Variants in SPSB1 observed in about 807,000 individuals in gnomAD.
SPSB1 encodes SPRY domain-containing SOCS box protein 1.
Under a neutral mutation model 21.2 loss-of-function variants are expected in SPSB1, and 8 were observed. The ratio of observed to expected loss-of-function variants is 0.38; its 90% confidence interval spans 0.22 to 0.68. The LOEUF (loss-of-function observed/expected upper bound fraction) is 0.68. SPSB1 is among the 30% of genes least tolerant of loss of function. The probability of loss-of-function intolerance (pLI) is 0.53; values close to 1 mark genes in which losing one functional copy is unlikely to be tolerated. For missense variants in SPSB1, 242 were observed against 377.8 expected (o/e 0.64, Z 2.98); for synonymous variants, 169 against 161.7 (o/e 1.05, Z -0.34).
intron 1 of SPSB1, among the ~76,000 whole-genome samples, chr1:9,318,346 A>G (rs12073748): frequency 0.1 from 15,715 of 152,222 alleles, 2,424 homozygotes; most frequent in African/African-American, 0.34. Flanking sequence ...TTCTTGGCTG[A>G]CAGTGTAGGA....
chr1:9,320,507 C>T (rs1639702084), intron 1 of SPSB1, among the ~76,000 whole-genome samples: 3 of 152,208 alleles, frequency 2.0e-5, no homozygotes, highest in South Asian at 4.1e-4. Flanking sequence ...TTCCATAGCA[C>T]GCTGCTACTG....
At chr1:9,298,750 C>T (rs1454529983) in intron 1 of SPSB1, among the ~76,000 whole-genome samples, 1 of 152,146 alleles carries the variant, frequency 6.6e-6, no homozygotes, top group Admixed American at 6.5e-5. Flanking sequence ...AGGTTTGACT[C>T]CTGGTGGCTC....
chr1:9,319,929 C>T (rs1485913542), intron 1 of SPSB1, among the ~76,000 whole-genome samples: 2 of 152,098 alleles, frequency 1.3e-5, no homozygotes, highest in Non-Finnish European at 2.9e-5. Context: ...CCTGGGAGGA[C>T]CATAGCCGGC....
At chr1:9,366,659 C>T (rs1262948869) in intron 2 of SPSB1, among the ~76,000 whole-genome samples, 1 of 151,736 alleles carries the variant, frequency 6.6e-6, no homozygotes, top group Non-Finnish European at 1.5e-5. Flanking sequence ...CTGCAACCTC[C>T]ATCTCCCAGG....
At chr1:9,316,398 G>A (rs1302202362) in intron 1 of SPSB1, among the ~76,000 whole-genome samples, 1 of 152,196 alleles carries the variant, frequency 6.6e-6, no homozygotes, top group Admixed American at 6.5e-5. Context: ...GTGTATTTAT[G>A]TGTGTGCATA....
At chr1:9,310,695 T>TAA (rs771323541) in intron 1 of SPSB1, among the ~76,000 whole-genome samples, 3 of 143,320 alleles carry the variant, frequency 2.1e-5, no homozygotes, top group African/African-American at 7.7e-5. Flanking sequence ...GACCTTGTCT[T>TAA]AAAAAAAAAA....
At chr1:9,355,184 C>A (rs1251467165) in intron 1 of SPSB1, among the ~76,000 whole-genome samples, 2 of 152,226 alleles carry the variant, frequency 1.3e-5, no homozygotes, top group Non-Finnish European at 2.9e-5. Flanking sequence ...GTTGAGCTGT[C>A]CAGCTGCACC....
At position 9,317,285 on chromosome 1, in the gene SPSB1, GAATA is replaced by G. The variant is rs1022238739; in HGVS notation, c.-150+24218_-150+24221del. On this transcript the variant is annotated intron_variant, in intron 1 of 2. Transcript: ENST00000328089. This position sits in a 1 kb window ranked among gnomAD's most constrained non-coding sequence, Gnocchi z 4.3. ...GAGAGGGAGGAGGAAGGGAAGAAGG[GAATA>G]AATGTCACTGGCGGAAGGTGGCATG... is the stretch of plus-strand genomic sequence containing the variant. 1.8e-4 allele frequency among the ~76,000 whole-genome samples: 28 copies of G among 152,214 alleles called. No homozygotes were observed. Among genetic ancestry groups the G allele is most frequent in the African/African-American group, 6.5e-4 (27 of 41,510 alleles).
chr1:9,349,511 G>A (rs892713615), intron 1 of SPSB1, among the ~76,000 whole-genome samples: 2 of 152,258 alleles, frequency 1.3e-5, no homozygotes, highest in Non-Finnish European at 2.9e-5. Flanking sequence ...CGCCAGCGCC[G>A]TAGATGCGTG....
intron 1 of SPSB1, among the ~76,000 whole-genome samples, chr1:9,325,271 C>T (rs1172853858): frequency 6.7e-6 from 1 of 148,740 alleles, no homozygotes; most frequent in Non-Finnish European, 1.5e-5. Context: ...GGAGAGCTGT[C>T]CCCACTCCTT....
chr1:9,304,893 G>A (rs1241397987), intron 1 of SPSB1, among the ~76,000 whole-genome samples: 1 of 152,022 alleles, frequency 6.6e-6, no homozygotes, highest in Non-Finnish European at 1.5e-5. Flanking sequence ...GGCTGGTCTC[G>A]AACTCCTGGG....
intron 1 of SPSB1, among the ~76,000 whole-genome samples, chr1:9,307,726 C>G (rs1488686955): frequency 6.6e-6 from 1 of 152,242 alleles, no homozygotes; most frequent in Non-Finnish European, 1.5e-5. Context: ...CCTCTTGCAG[C>G]CAGCGATCTT....
rs34392416 is a variant in SPSB1 at position 9,317,837 on chromosome 1, ATTTTT to A, written c.-150+24781_-150+24785del. 7.4e-6 allele frequency among the ~76,000 whole-genome samples: 1 copy of A among 134,726 alleles called. No individual in the cohort carries two copies. Among genetic ancestry groups the A allele is most frequent in the African/African-American group, 2.9e-5 (1 of 35,000 alleles). The allele number at this position is 134,726 out of a possible 152,430, so 88.4% of individuals were successfully genotyped here. A position where few individuals can be genotyped will look rare whatever the true frequency, so the allele number is the denominator to read the frequency against. ...GTGATTTCCGGTGGCGAGGGAACCA[ATTTTT>A]TTTTTTTTTTTTTTGAGACCCTGCA... is the stretch of plus-strand genomic sequence containing the variant. On this transcript the variant is annotated intron_variant, in intron 1 of 2. Coordinates refer to ENST00000328089, the MANE Select transcript of SPSB1 (RefSeq NM_025106.4). The surrounding 1 kb of genome is among the most constrained non-coding windows in gnomAD (Gnocchi z 4.3).
chr1:9,362,190 C>T (rs557236570), intron 2 of SPSB1, among the ~76,000 whole-genome samples: 1 of 152,012 alleles, frequency 6.6e-6, no homozygotes, highest in African/African-American at 2.4e-5. Context: ...CCCTCCCTCC[C>T]TCCCTTCCTT....
intron 1 of SPSB1, among the ~76,000 whole-genome samples, chr1:9,332,605 G>T (rs978295750): frequency 6.6e-6 from 1 of 152,222 alleles, no homozygotes; most frequent in Admixed American, 6.5e-5. Context: ...GGGAGGTCCT[G>T]TGGAGGGAGA....
In SPSB1 at chr1:9,323,277, A is replaced by AG. The variant is rs904483687; in HGVS notation, c.-150+30212dup. On this transcript the variant is annotated intron_variant, in intron 1 of 2. Transcript: ENST00000328089. ...AAACATTCTAGTTCCCGCCGAGCCG[A>AG]GGGGGGCTGTGGCTCCACTGGGCCC... 3.3e-5 allele frequency among the ~76,000 whole-genome samples: 5 copies of AG among 152,226 alleles called. No homozygotes were observed. The South Asian group carries it at 1.0e-3, about 32-fold the overall frequency.
At position 9,305,238 on chromosome 1, in the gene SPSB1, C is replaced by A. The variant is rs959504486; in HGVS notation, c.-150+12167C>A. Among the ~76,000 whole-genome samples, 2 of 152,230 alleles carry A rather than the reference C, an allele frequency of 1.3e-5. No homozygotes were observed. Among genetic ancestry groups the A allele is most frequent in the Non-Finnish European group, 2.9e-5 (2 of 68,034 alleles). On this transcript the variant is annotated intron_variant, in intron 1 of 2. Transcript: ENST00000328089. The surrounding 1 kb of genome is among the most constrained non-coding windows in gnomAD (Gnocchi z 4.8). Reference sequence around the variant, plus strand: ...GCTGGCCCGTTCCTACCGGCTGGCCCATACCCTCTCGCTTCACTTTCCAAA... The same window carrying A: ...GCTGGCCCGTTCCTACCGGCTGGCCAATACCCTCTCGCTTCACTTTCCAAA...
In SPSB1 at chr1:9,293,944, C is replaced by T. The variant is rs117956834; in HGVS notation, c.-150+873C>T. ...TGTGGGTGTGTGTGTGAGTGTGTCT[C>T]TAAGTGCATCTGTGTATTTATGTGC... On this transcript the variant is annotated intron_variant, in intron 1 of 2. Coordinates refer to ENST00000328089, the MANE Select transcript of SPSB1 (RefSeq NM_025106.4). This position sits in a 1 kb window ranked among gnomAD's most constrained non-coding sequence, Gnocchi z 5.1. Among the ~76,000 whole-genome samples, 6 of 151,564 alleles carry T rather than the reference C, an allele frequency of 4.0e-5. No homozygotes were observed. The highest frequency in any genetic ancestry group is 1.5e-4 in the African/African-American group (6 of 41,222).
intron 1 of SPSB1, among the ~76,000 whole-genome samples, chr1:9,318,501 C>G (rs1225056997): frequency 6.6e-6 from 1 of 152,196 alleles, no homozygotes; most frequent in African/African-American, 2.4e-5. Flanking sequence ...CCCAGGTTTC[C>G]AGCATCCAAG....
Sources: allele counts gnomAD v4.1 joint callset (sites outside exome capture counted in the v4.1 genomes callset), GRCh38; gene constraint gnomAD v4.1.1; non-coding constraint Gnocchi (gnomAD v3.1); transcripts MANE v1.5; gene names NCBI Gene and HGNC (gene_info 2026-07-23, HGNC 2026-07-21).